Variants in ZMIZ1 observed in about 807,000 individuals in gnomAD.
The protein encoded by ZMIZ1 is zinc finger MIZ-type containing 1, also known as zinc finger MIZ domain-containing protein 1.
A neutral mutation model predicts 113.9 loss-of-function variants in ZMIZ1; 17 were observed. The observed-to-expected ratio is 0.15, with a 90% CI of 0.10 to 0.22. ZMIZ1 has a LOEUF of 0.22. Ranked by LOEUF, ZMIZ1 falls within the 10% of genes least tolerant of loss-of-function variation. The pLI, the probability that ZMIZ1 is intolerant of heterozygous loss-of-function variation, is 1.00. For synonymous variants in ZMIZ1, 607 were observed against 603.1 expected (o/e 1.01, Z -0.09); for missense variants, 1,059 against 1,477.8 (o/e 0.72, Z 4.65).
intron 7 of ZMIZ1, 90 bp from the exon 8 acceptor site, chr10:79,277,091 A>G (rs368486489): frequency 4.3e-4 from 609 of 1,413,208 alleles, no homozygotes; most frequent in Non-Finnish European, 5.4e-4. Flanking sequence ...CAGCATGGAT[A>G]GCACCCAGTC....
intron 3 of ZMIZ1, among the ~76,000 whole-genome samples, chr10:79,142,953 C>T (rs1327173893): frequency 6.6e-6 from 1 of 152,146 alleles, no homozygotes; most frequent in Non-Finnish European, 1.5e-5. Flanking sequence ...CTTCCCAGGC[C>T]GCGAGTGAGT....
At chr10:79,302,678 A>C (rs1854385665) in intron 18 of ZMIZ1, among the ~76,000 whole-genome samples, 5 of 99,592 alleles carry the variant, frequency 5.0e-5, no homozygotes, top group Admixed American at 1.1e-4. Context: ...TCAACAGCTC[A>C]TGCTTTTTTT....
At chr10:79,077,626 A>G (rs1461725549) in intron 1 of ZMIZ1, among the ~76,000 whole-genome samples, 1 of 152,254 alleles carries the variant, frequency 6.6e-6, no homozygotes, top group Non-Finnish European at 1.5e-5. Flanking sequence ...TTATTGGGCA[A>G]CTAATGTGTT....
At position 79,106,851 on chromosome 10, in the gene ZMIZ1, G is replaced by A. The variant is rs187579599; in HGVS notation, c.-336-12064G>A. On this transcript the variant is annotated intron_variant, in intron 1 of 24. Coordinates refer to ENST00000334512, the MANE Select transcript of ZMIZ1 (RefSeq NM_020338.4). Reference sequence around the variant, plus strand: ...GTAACACTACCTCACTACAGGCATCGTGCAGGTGGCCGAGTGCCCCAGATT... The same window carrying A: ...GTAACACTACCTCACTACAGGCATCATGCAGGTGGCCGAGTGCCCCAGATT... Among the ~76,000 whole-genome samples the A allele has an allele frequency of 2.7e-3, 416 of 152,346 alleles. 3 individuals are homozygous for A. The highest frequency in any genetic ancestry group is 9.7e-3 in the Admixed American group (149 of 15,300).
At chr10:79,159,200 C>T (rs1244912576) in intron 3 of ZMIZ1, among the ~76,000 whole-genome samples, 4 of 152,260 alleles carry the variant, frequency 2.6e-5, no homozygotes, top group Non-Finnish European at 2.9e-5. Context: ...TCCAGCCCCT[C>T]GTGGTTTATC....
intron 4 of ZMIZ1, among the ~76,000 whole-genome samples, chr10:79,182,139 T>C (rs1847147058): frequency 6.6e-6 from 1 of 152,220 alleles, no homozygotes; most frequent in South Asian, 2.1e-4. Context: ...CATGCGTGTG[T>C]GCATGCATGG....
intron 8 of ZMIZ1, among the ~76,000 whole-genome samples, chr10:79,282,632 A>G (rs2131995803): frequency 6.6e-6 from 1 of 152,362 alleles, no homozygotes; most frequent in Non-Finnish European, 1.5e-5. Flanking sequence ...GCCTCCCAGC[A>G]AGACCCTTGA....
At chr10:79,156,267 C>G (rs1036804120) in intron 3 of ZMIZ1, among the ~76,000 whole-genome samples, 2 of 152,166 alleles carry the variant, frequency 1.3e-5, no homozygotes, top group Non-Finnish European at 1.5e-5. Context: ...TTCAGAGACC[C>G]CCCCGCTGCT....
intron 7 of ZMIZ1, among the ~76,000 whole-genome samples, chr10:79,261,871 C>T (rs143239183): frequency 2.0e-5 from 3 of 152,320 alleles, no homozygotes; most frequent in Non-Finnish European, 2.9e-5. Context: ...AAGGTGCACA[C>T]GCCTGCCAAG....
At chr10:79,245,058 C>T (rs11002888) in intron 7 of ZMIZ1, among the ~76,000 whole-genome samples, 1 of 152,146 alleles carries the variant, frequency 6.6e-6, no homozygotes, top group Admixed American at 6.5e-5. Context: ...CTATTTTTAT[C>T]CTGAACTTCC....
intron 11 of ZMIZ1, 156 bp from the exon 12 acceptor site, chr10:79,293,225 C>G: frequency 9.5e-7 from 1 of 1,048,702 alleles, no homozygotes; most frequent in Non-Finnish European, 1.4e-6. Flanking sequence ...TCCTGCTCCC[C>G]TGGGGCCTGG....
intron 1 of ZMIZ1, among the ~76,000 whole-genome samples, chr10:79,108,296 G>A (rs1209729705): frequency 6.6e-6 from 1 of 152,204 alleles, no homozygotes; most frequent in Non-Finnish European, 1.5e-5. Flanking sequence ...GAGGCTGGGA[G>A]AAGGGGTGGT....
At chr10:79,141,959 A>G (rs1845291559) in intron 3 of ZMIZ1, among the ~76,000 whole-genome samples, 1 of 152,160 alleles carries the variant, frequency 6.6e-6, no homozygotes, top group Non-Finnish European at 1.5e-5. Flanking sequence ...ACGAAGGGGT[A>G]GTGGAGGAAG....
chr10:79,225,828 G>C (rs1375049504), intron 7 of ZMIZ1, among the ~76,000 whole-genome samples: 4 of 152,152 alleles, frequency 2.6e-5, no homozygotes, highest in Admixed American at 2.0e-4. Flanking sequence ...TGGGGCCTGG[G>C]GTAGGCTGTG....
intron 4 of ZMIZ1, among the ~76,000 whole-genome samples, chr10:79,163,416 A>T (rs1846193799): frequency 6.6e-6 from 1 of 152,288 alleles, no homozygotes; most frequent in Admixed American, 6.5e-5. Context: ...GAGGCTGATT[A>T]TACTGACATT....
intron 2 of ZMIZ1, among the ~76,000 whole-genome samples, chr10:79,128,774 A>T (rs1718113167): frequency 6.6e-6 from 1 of 152,104 alleles, no homozygotes; most frequent in Non-Finnish European, 1.5e-5. Context: ...GGTCAGTGTG[A>T]CCATAATCAT....
chr10:79,182,363 G>A (rs1254050540), intron 4 of ZMIZ1, among the ~76,000 whole-genome samples: 1 of 152,184 alleles, frequency 6.6e-6, no homozygotes, highest in African/African-American at 2.4e-5. Context: ...CCAGGAGAAG[G>A]TGGGGGCCAG....
intron 7 of ZMIZ1, among the ~76,000 whole-genome samples, chr10:79,228,273 C>G (rs1183425046): frequency 6.6e-6 from 1 of 152,240 alleles, no homozygotes; most frequent in Non-Finnish European, 1.5e-5. Flanking sequence ...GATTTATTCA[C>G]TTGTCCAAAG....
intron 7 of ZMIZ1, among the ~76,000 whole-genome samples, chr10:79,235,798 C>T: frequency 6.6e-6 from 1 of 152,218 alleles, no homozygotes; most frequent in East Asian, 1.9e-4. Context: ...TTTAGAAGAG[C>T]GTATCTGCCT....
Sources: gnomAD v4.1 joint callset for allele counts (sites outside exome capture counted in the v4.1 genomes callset) on GRCh38, gnomAD v4.1.1 for gene constraint, MANE v1.5 for transcripts, NCBI Gene and HGNC (gene_info 2026-07-23, HGNC 2026-07-21) for gene names.